Variants in FSTL5 observed in about 807,000 individuals in gnomAD.
The protein encoded by FSTL5 is follistatin like 5, also known as follistatin-related protein 5.
Under a neutral mutation model 89.1 loss-of-function variants are expected in FSTL5, and 62 were observed. That is an observed-to-expected ratio of 0.70 (90% CI 0.57 to 0.86). The LOEUF (loss-of-function observed/expected upper bound fraction) is 0.86. Ranked by LOEUF, FSTL5 falls within the 40% of genes least tolerant of loss-of-function variation. FSTL5 has a pLI of 0.00. For missense variants in FSTL5, 1,057 were observed against 1,001.6 expected (o/e 1.06, Z -0.75); for synonymous variants, 383 against 346.2 (o/e 1.11, Z -1.18).
chr4:161,414,356 A>C (rs1254271492), intron 15 of FSTL5, among the ~76,000 whole-genome samples: 2 of 152,160 alleles, frequency 1.3e-5, no homozygotes, highest in East Asian at 1.9e-4. Flanking sequence ...TCATCTGTAG[A>C]AGACCATAAT....
At position 161,712,242 on chromosome 4, in the gene FSTL5, T is replaced by A. The variant is rs543162818; in HGVS notation, c.727+47169A>T. 5.7e-4 allele frequency among the ~76,000 whole-genome samples: 86 copies of A among 152,206 alleles called. 2 individuals carry two copies. Among genetic ancestry groups the A allele is most frequent in the Middle Eastern group, 6.8e-3 (2 of 294 alleles). On this transcript the variant is annotated intron_variant, in intron 6 of 15. Transcript: ENST00000306100. ...ACTAAAAATCATTGAATTCGTACAC[T>A]TCATATGGGTGAATTCAATTTTATG...
At chr4:162,134,194 T>C (rs1732427658) in intron 1 of FSTL5, among the ~76,000 whole-genome samples, 1 of 152,236 alleles carries the variant, frequency 6.6e-6, no homozygotes, top group African/African-American at 2.4e-5. Flanking sequence ...TATTGCATTG[T>C]AAAATGTTGA....
At chr4:162,118,174 ATT>A (rs1454568842) in intron 1 of FSTL5, among the ~76,000 whole-genome samples, 1 of 152,176 alleles carries the variant, frequency 6.6e-6, no homozygotes, top group African/African-American at 2.4e-5. Context: ...ATTTTCATCT[ATT>A]GAGACACTTT....
chr4:162,100,985 T>G (rs1162725991), intron 2 of FSTL5, among the ~76,000 whole-genome samples: 1 of 152,222 alleles, frequency 6.6e-6, no homozygotes, highest in African/African-American at 2.4e-5. Context: ...TTCTACTTAC[T>G]GATTGTATAA....
intron 1 of FSTL5, among the ~76,000 whole-genome samples, chr4:162,149,603 C>T (rs72986999): frequency 0.23 from 35,286 of 151,658 alleles, 4,303 homozygotes; most frequent in Non-Finnish European, 0.26. Flanking sequence ...CAGTGAGCTG[C>T]GATCATGCCA....
At chr4:161,860,099 T>G (rs1007526926) in intron 4 of FSTL5, among the ~76,000 whole-genome samples, 37 of 152,038 alleles carry the variant, frequency 2.4e-4, no homozygotes, top group Non-Finnish European at 4.3e-4. Context: ...CCATCCTGGC[T>G]AGCGCAGTGA....
chr4:161,687,403 T>C (rs552393017), intron 6 of FSTL5, among the ~76,000 whole-genome samples: 16 of 152,318 alleles, frequency 1.1e-4, no homozygotes, highest in African/African-American at 3.8e-4. Flanking sequence ...CTTATGCATA[T>C]ATTTTCATAC....
intron 8 of FSTL5, among the ~76,000 whole-genome samples, chr4:161,547,771 T>A (rs1732055334): frequency 6.6e-6 from 1 of 151,926 alleles, no homozygotes; most frequent in South Asian, 2.1e-4. Context: ...AAGGGTTATC[T>A]TAAGCACTTG....
intron 3 of FSTL5, among the ~76,000 whole-genome samples, chr4:162,001,832 A>G (rs940401953): frequency 2.6e-5 from 4 of 152,136 alleles, no homozygotes; most frequent in African/African-American, 9.7e-5. Flanking sequence ...GAGTACAAAA[A>G]AATGATTTTT....
rs374879117 is a variant in FSTL5 at position 161,638,893 on chromosome 4, A to G, written c.894+17435T>C. ...CAGCATATAAACAGAGCCAAAGACA[A>G]AAACCACATGATTATCTCAATAGAT... On this transcript the variant is annotated intron_variant, in intron 7 of 15. Coordinates refer to ENST00000306100, the MANE Select transcript of FSTL5 (RefSeq NM_020116.5). Among the ~76,000 whole-genome samples the G allele has an allele frequency of 5.0e-3, 703 of 139,832 alleles. 9 individuals carry two copies. Among genetic ancestry groups the G allele is most frequent in the South Asian group, 0.037 (147 of 3,922 alleles). 91.7% of individuals were successfully genotyped at this position (139,832 alleles called of 152,430 possible).
chr4:161,745,738 C>T (rs1018182388), intron 6 of FSTL5, among the ~76,000 whole-genome samples: 1 of 151,628 alleles, frequency 6.6e-6, no homozygotes, highest in Non-Finnish European at 1.5e-5. Flanking sequence ...TTTTATATAT[C>T]CTAGCAAATG....
At chr4:161,432,216 G>T in intron 15 of FSTL5, among the ~76,000 whole-genome samples, 1 of 151,958 alleles carries the variant, frequency 6.6e-6, no homozygotes, top group East Asian at 1.9e-4. Context: ...AGTCACAAAT[G>T]AGTCTTAAAA....
chr4:162,105,049 G>C (rs1731165236), intron 2 of FSTL5, among the ~76,000 whole-genome samples: 1 of 152,114 alleles, frequency 6.6e-6, no homozygotes, highest in African/African-American at 2.4e-5. Flanking sequence ...AATAAAACGA[G>C]TTGCTTTTAG....
At chr4:162,031,405 T>C (rs547306419) in intron 3 of FSTL5, among the ~76,000 whole-genome samples, 1 of 152,344 alleles carries the variant, frequency 6.6e-6, no homozygotes, top group South Asian at 2.1e-4. Context: ...ATAAAATATT[T>C]GATTTTCAGA....
At chr4:161,762,016 T>C (rs1740827431) in intron 5 of FSTL5, among the ~76,000 whole-genome samples, 1 of 152,178 alleles carries the variant, frequency 6.6e-6, no homozygotes, top group Admixed American at 6.5e-5. Context: ...ACTTTTCTTC[T>C]TTTCTGTTTT....
chr4:161,788,713 C>A (rs578147180), intron 4 of FSTL5, among the ~76,000 whole-genome samples: 2 of 152,116 alleles, frequency 1.3e-5, no homozygotes, highest in East Asian at 1.9e-4. Context: ...ATGTGAGACC[C>A]CGCCCCTGTC....
At chr4:161,574,984 T>G (rs1024154980) in intron 8 of FSTL5, among the ~76,000 whole-genome samples, 1 of 152,236 alleles carries the variant, frequency 6.6e-6, no homozygotes, top group Non-Finnish European at 1.5e-5. Flanking sequence ...AGCATTTCTA[T>G]TTCTCCACAG....
intron 11 of FSTL5, among the ~76,000 whole-genome samples, chr4:161,504,949 G>T (rs1312897244): frequency 2.0e-5 from 3 of 151,920 alleles, no homozygotes; most frequent in Non-Finnish European, 4.4e-5. Flanking sequence ...ATTTTGTGAT[G>T]TTTTTCTTCC....
rs1234091062 is a variant in FSTL5 at position 161,704,576 on chromosome 4, T to C, written c.728-48082A>G. ...ACAAGGGACCACCTTCCAAGAAAGG[T>C]CATTCAATTTTTTTTTTCCTCTGGT... On this transcript the variant is annotated intron_variant, in intron 6 of 15. Coordinates refer to ENST00000306100, the MANE Select transcript of FSTL5 (RefSeq NM_020116.5). Among the ~76,000 whole-genome samples the C allele has an allele frequency of 2.6e-5, 4 of 152,066 alleles. No homozygotes were observed. The East Asian group carries it at 5.8e-4, about 22-fold the overall frequency.
Sources: gnomAD v4.1 joint callset for allele counts (sites outside exome capture counted in the v4.1 genomes callset) on GRCh38, gnomAD v4.1.1 for gene constraint, MANE v1.5 for transcripts, NCBI Gene and HGNC (gene_info 2026-07-23, HGNC 2026-07-21) for gene names.